Variants in IFFO1 observed in about 807,000 individuals in gnomAD.
IFFO1 encodes the protein non-homologous end joining factor IFFO1.
A neutral mutation model predicts 59.6 loss-of-function variants in IFFO1; 42 were observed. The observed-to-expected ratio is 0.70, with a 90% CI of 0.55 to 0.91. The LOEUF (loss-of-function observed/expected upper bound fraction) is 0.91. Among genes scored for constraint, IFFO1 ranks in the 40% least tolerant of loss-of-function variants. The pLI is 0.00. For missense variants in IFFO1, 711 were observed against 793.2 expected, an observed-to-expected ratio of 0.90 and a Z score of 1.24; for synonymous variants, 336 against 342.8, an observed-to-expected ratio of 0.98 and a Z score of 0.22.
chr12:6,549,534 G>A lies in IFFO1; in HGVS notation c.1072-50C>T. 1 of 1,509,402 alleles carries A rather than the reference G, an allele frequency of 6.6e-7. No homozygotes were observed. Among genetic ancestry groups the A allele is most frequent in the Non-Finnish European group, 9.2e-7 (1 of 1,085,350 alleles). The allele number at this position is 1,509,402 out of a possible 1,614,324, so 93.5% of individuals were successfully genotyped here. Reference sequence around the variant, plus strand: ...TGAGAGGAAGAGAGGAGAGGAAGCAGACAGAGGAGAGAGAGGGGGAAGGGA... The same window carrying A: ...TGAGAGGAAGAGAGGAGAGGAAGCAAACAGAGGAGAGAGAGGGGGAAGGGA... On this transcript the variant is annotated intron_variant, in intron 4 of 9. Transcript: ENST00000619571. The surrounding 1 kb of genome is among the most constrained non-coding windows in gnomAD (Gnocchi z 5.0).
At chr12:6,547,251 A>G (rs1376103542) in intron 8 of IFFO1, among the ~76,000 whole-genome samples, 3 of 152,142 alleles carry the variant, frequency 2.0e-5, no homozygotes, top group Non-Finnish European at 4.4e-5. Flanking sequence ...TCTCTGTAAA[A>G]AAAATCAAAA....
chr12:6,555,176 T>C lies in IFFO1; in HGVS notation c.773+81A>G. On this transcript the variant is annotated intron_variant, in intron 1 of 9. Transcript: ENST00000619571. The surrounding 1 kb of genome is among the most constrained non-coding windows in gnomAD (Gnocchi z 8.6). ...TTACTCTCATTCTTTTCACCCCTGA[T>C]TCTTCGGAACCCACACCAACTCGCG... The C allele has an allele frequency of 1.4e-6, 2 of 1,402,278 alleles. No homozygotes were observed. The highest frequency in any genetic ancestry group is 1.0e-6 in the Non-Finnish European group (1 of 989,204). The allele number at this position is 1,402,278 out of a possible 1,614,324, so 86.9% of individuals were successfully genotyped here.
chr12:6,549,045 AC>A lies in IFFO1; in HGVS notation c.1081-197del. 1 of 598,826 alleles carries A rather than the reference AC, an allele frequency of 1.7e-6. No homozygotes were observed. The highest frequency in any genetic ancestry group is 2.9e-6 in the Non-Finnish European group (1 of 339,186). 37.1% of individuals were successfully genotyped at this position (598,826 alleles called of 1,614,324 possible). A position where few individuals can be genotyped will look rare whatever the true frequency, so the allele number is the denominator to read the frequency against. On this transcript the variant is annotated intron_variant, in intron 5 of 9. Coordinates refer to ENST00000619571, the MANE Select transcript of IFFO1 (RefSeq NM_001193457.2). This position sits in a 1 kb window ranked among gnomAD's most constrained non-coding sequence, Gnocchi z 5.0. ...CACACAGCGGGGGTCAGGGCTGCAA[AC>A]CGAGAAGGCAGAACAAGAAGAAATC...
In IFFO1 at chr12:6,555,363, G is replaced by A; in HGVS notation, c.667C>T (p.His223Tyr). ...ATCTGGACGCCCACCCCATCCGGGT[G>A]CACCCACGACAAGCCAGGCCCTTGC... Reference protein sequence around the residue: ...LVQGPGLSWVHPDGVGVQIDT... With the variant: ...LVQGPGLSWVYPDGVGVQIDT... The change falls in exon 1 of 10, where the codon CAC becomes TAC. Residue 223 changes from histidine (H) to tyrosine (Y), a missense_variant. Coordinates refer to ENST00000619571, the MANE Select transcript of IFFO1 (RefSeq NM_001193457.2). This position sits in a 1 kb window ranked among gnomAD's most constrained non-coding sequence, Gnocchi z 8.6. 2 of 1,614,190 alleles carry A rather than the reference G, an allele frequency of 1.2e-6. No homozygotes were observed. Among genetic ancestry groups the A allele is most frequent in the Non-Finnish European group, 1.7e-6 (2 of 1,180,022 alleles).
At chr12:6,544,030 CA>C (rs1231344873) in intron 8 of IFFO1, among the ~76,000 whole-genome samples, 13 of 152,232 alleles carry the variant, frequency 8.5e-5, no homozygotes, top group African/African-American at 3.1e-4. Flanking sequence ...ATGTTTGAAT[CA>C]TCTCAAAATC....
At position 6,543,289 on chromosome 12, in the gene IFFO1, C is replaced by T. The variant is rs553263531; in HGVS notation, c.1480-1647G>A. Among the ~76,000 whole-genome samples the T allele has an allele frequency of 6.6e-5, 10 of 152,284 alleles. No individual in the cohort carries two copies. The South Asian group carries it at 1.5e-3, about 22-fold the overall frequency. ...GCAGAAGTCCCCAAACCCCAGGCCA[C>T]GGACCAGTACCTGTCTGTGGCCTGT... On this transcript the variant is annotated intron_variant, in intron 8 of 9. Transcript: ENST00000619571.
intron 1 of IFFO1, chr12:6,551,356 G>A: frequency 8.3e-7 from 1 of 1,203,778 alleles, no homozygotes; most frequent in Non-Finnish European, 1.1e-6. Context: ...CCCACCTCCT[G>A]CCCACACCAG....
rs1592194634 is a variant in IFFO1 at position 6,540,130 on chromosome 12, A to ATG, written c.*351_*352dup. ...AGTGAGCTGGCTCCGGACAACAGGG[A>ATG]TGGAGGAAAGGTCCCACATTCACAT... On this transcript the variant is annotated 3_prime_UTR_variant, in exon 10 of 10. Transcript: ENST00000619571. The ATG allele has an allele frequency of 5.5e-6, 2 of 365,562 alleles. No homozygotes were observed. Among genetic ancestry groups the ATG allele is most frequent in the African/African-American group, 4.2e-5 (2 of 47,158 alleles). The allele number at this position is 365,562 out of a possible 1,614,324, so 22.6% of individuals were successfully genotyped here. A position where few individuals can be genotyped will look rare whatever the true frequency, so the allele number is the denominator to read the frequency against.
downstream of IFFO1, chr12:6,539,297 C>T (rs1946585452): frequency 6.6e-6 from 1 of 152,206 alleles, no homozygotes; most frequent in Admixed American, 6.5e-5. Flanking sequence ...ACTAAAATTA[C>T]AAAAATCAGC....
At position 6,555,622 on chromosome 12, in the gene IFFO1, G is replaced by A; in HGVS notation, c.408C>T (p.Pro136=). Residue 136 remains proline, a synonymous_variant, in exon 1 of 10, where the codon CCC becomes CCT. Coordinates refer to ENST00000619571, the MANE Select transcript of IFFO1 (RefSeq NM_001193457.2). The surrounding 1 kb of genome is among the most constrained non-coding windows in gnomAD (Gnocchi z 8.6). ...GCCGGGCGCCCAGCTGCAGCCCCAG[G>A]GGCCGGATGGGGCTGACGAAGCCGG... ...VQTGFVSPIR[P]LGLQLGARPA... is the part of the protein sequence containing the mutation. The A allele has an allele frequency of 6.7e-7, 1 of 1,483,598 alleles. No homozygotes were observed. The highest frequency in any genetic ancestry group is 8.9e-7 in the Non-Finnish European group (1 of 1,123,376). 91.9% of individuals were successfully genotyped at this position (1,483,598 alleles called of 1,614,324 possible). A position where few individuals can be genotyped will look rare whatever the true frequency, so the allele number is the denominator to read the frequency against.
At position 6,541,418 on chromosome 12, in the gene IFFO1, C is replaced by T; in HGVS notation, c.1610+94G>A. The T allele has an allele frequency of 1.3e-6, 2 of 1,505,154 alleles. No individual in the cohort carries two copies. Among genetic ancestry groups the T allele is most frequent in the Non-Finnish European group, 9.0e-7 (1 of 1,106,534 alleles). 93.2% of individuals were successfully genotyped at this position (1,505,154 alleles called of 1,614,324 possible). ...AGGGCAGCCCCACAGCAAGATGTGA[C>T]CCAGTCATTGCCTGAGGGTCTCTGG... On this transcript the variant is annotated intron_variant, in intron 9 of 9. Coordinates refer to ENST00000619571, the MANE Select transcript of IFFO1 (RefSeq NM_001193457.2). The surrounding 1 kb of genome is among the most constrained non-coding windows in gnomAD (Gnocchi z 4.8).
chr12:6,547,133 G>A (rs1051849034), intron 8 of IFFO1, among the ~76,000 whole-genome samples: 3 of 152,114 alleles, frequency 2.0e-5, no homozygotes, highest in Admixed American at 6.6e-5. Context: ...AAAAAGGCCC[G>A]GCACAGTGGC....
chr12:6,555,224 CAG>C lies in IFFO1; in HGVS notation c.773+31_773+32del, dbSNP rs1264003673. The C allele has an allele frequency of 1.9e-6, 3 of 1,608,232 alleles. No homozygotes were observed. Among genetic ancestry groups the C allele is most frequent in the Non-Finnish European group, 2.6e-6 (3 of 1,175,060 alleles). ...GCGGCCCGTTGTGAGTGGTATGACA[CAG>C]AGAGACCTGTCCCCCTTTCCCAATC... On this transcript the variant is annotated intron_variant, in intron 1 of 9. Coordinates refer to ENST00000619571, the MANE Select transcript of IFFO1 (RefSeq NM_001193457.2). The surrounding 1 kb of genome is among the most constrained non-coding windows in gnomAD (Gnocchi z 8.6).
Position 6,548,697 on chromosome 12 carries a change from G to A in IFFO1, c.1233C>T (p.Asn411=), listed in dbSNP as rs768119133. 1.9e-5 allele frequency: 31 copies of A among 1,613,980 alleles called. No homozygotes were observed. Among genetic ancestry groups the A allele is most frequent in the African/African-American group, 5.3e-5 (4 of 74,908 alleles). Residue 411 remains asparagine, a synonymous_variant, in exon 6 of 10, where the codon AAC becomes AAT. Coordinates refer to ENST00000619571, the MANE Select transcript of IFFO1 (RefSeq NM_001193457.2). The surrounding 1 kb of genome is among the most constrained non-coding windows in gnomAD (Gnocchi z 6.1). The part of the protein sequence containing the change: ...DEEESTALSI[N]EEMQRMLNQL... ...GGTTGAGCATGCGCTGCATCTCCTC[G>A]TTGATGCTGAGGGCTGTGCTCTCCT... is the stretch of plus-strand genomic sequence containing the variant.
At chr12:6,551,376 TC>T in intron 1 of IFFO1, 1 of 1,287,808 alleles carries the variant, frequency 7.8e-7, no homozygotes, top group Non-Finnish European at 1.0e-6. Context: ...GACCACCAGG[TC>T]CACCCGGCCC....
Position 6,555,203 on chromosome 12 carries a change from C to A in IFFO1, c.773+54G>T. ...CTTCGGAACCCACACCAACTCGCGG[C>A]CCGTTGTGAGTGGTATGACACAGAG... On this transcript the variant is annotated intron_variant, in intron 1 of 9. Transcript: ENST00000619571. This position sits in a 1 kb window ranked among gnomAD's most constrained non-coding sequence, Gnocchi z 8.6. The A allele has an allele frequency of 6.4e-7, 1 of 1,568,774 alleles. No individual in the cohort carries two copies. The highest frequency in any genetic ancestry group is 8.8e-7 in the Non-Finnish European group (1 of 1,140,104).
rs1592220596 is a variant in IFFO1, at chr12:6,551,066, C to T, written c.774-65G>A. 4 of 1,499,554 alleles carry T rather than the reference C, an allele frequency of 2.7e-6. No individual in the cohort carries two copies. The East Asian group carries it at 9.1e-5, about 34-fold the overall frequency. The allele number at this position is 1,499,554 out of a possible 1,614,324, so 92.9% of individuals were successfully genotyped here. ...AGTCCTTCCCTGCCCCCATGGCTCC[C>T]TGTCCCCACCTCTCTGGCTCAGGCC... On this transcript the variant is annotated intron_variant, in intron 1 of 9. Transcript: ENST00000619571.
chr12:6,549,117 G>A lies in IFFO1; in HGVS notation c.1081-268C>T. On this transcript the variant is annotated intron_variant, in intron 5 of 9. Transcript: ENST00000619571. This position sits in a 1 kb window ranked among gnomAD's most constrained non-coding sequence, Gnocchi z 5.0. ...AAGGAAGGAAGGGCTCGCTGGGGCT[G>A]CAGTCAGATGTGCATGATGGCTCAA... The A allele has an allele frequency of 1.8e-6, 1 of 557,194 alleles. No homozygotes were observed. Among genetic ancestry groups the A allele is most frequent in the Non-Finnish European group, 3.2e-6 (1 of 315,750 alleles). 34.5% of individuals were successfully genotyped at this position (557,194 alleles called of 1,614,324 possible). A position where few individuals can be genotyped will look rare whatever the true frequency, so the allele number is the denominator to read the frequency against.
chr12:6,548,180 G>A lies in IFFO1; in HGVS notation c.1384-20C>T, dbSNP rs776619182. ...CTGCTGCTGGAGTAGAAAGGGAAGCGGGGGAGGCCAGCCAAGGAGGGATGG... is the reference window on the plus strand; with the variant it reads ...CTGCTGCTGGAGTAGAAAGGGAAGCAGGGGAGGCCAGCCAAGGAGGGATGG... On this transcript the variant is annotated intron_variant, in intron 7 of 9. Transcript: ENST00000619571. This position sits in a 1 kb window ranked among gnomAD's most constrained non-coding sequence, Gnocchi z 6.1. The A allele has an allele frequency of 1.0e-5, 16 of 1,601,166 alleles. No individual in the cohort carries two copies. The highest frequency in any genetic ancestry group is 4.0e-5 in the African/African-American group (3 of 74,620).
Sources: allele counts gnomAD v4.1 joint callset (sites outside exome capture counted in the v4.1 genomes callset), GRCh38; gene constraint gnomAD v4.1.1; non-coding constraint Gnocchi (gnomAD v3.1); transcripts MANE v1.5; gene names NCBI Gene and HGNC (gene_info 2026-07-23, HGNC 2026-07-21).